The following WDR90 variants were observed in gnomAD, a reference collection of about 807,000 sequenced individuals.
WDR90 encodes the protein WD repeat-containing protein 90.
In WDR90, 238 loss-of-function variants were observed where a neutral mutation model predicts 195.2. The observed-to-expected ratio is 1.22, with a 90% CI of 1.10 to 1.36. The LOEUF is 1.36. Among genes scored for constraint, WDR90 ranks in the 40% most tolerant of loss-of-function variants. The pLI, the probability that WDR90 is intolerant of heterozygous loss-of-function variation, is 0.00. For missense variants in WDR90, 2,734 were observed against 2,439.5 expected, an observed-to-expected ratio of 1.12 and a Z score of -2.54; for synonymous variants, 1,265 against 1,052.4, an observed-to-expected ratio of 1.20 and a Z score of -3.91.
rs763192993 is a variant in WDR90 at position 661,998 on chromosome 16, T to C, written c.3972T>C (p.Cys1324=). ...LYCGTSSGQV[C]VWDTRAGRCF... The stretch of plus-strand genomic sequence containing the variant: ...GTGGCACCAGCTCTGGCCAGGTCTG[T>C]GTCTGGGACACGCGTGCCGGCCGCT... The change falls in exon 32 of 41, where the codon TGT becomes TGC. Residue 1324 remains cysteine (C), a synonymous_variant. Coordinates refer to ENST00000293879, the MANE Select transcript of WDR90 (RefSeq NM_145294.5). The C allele has an allele frequency of 2.5e-6, 4 of 1,604,928 alleles. No homozygotes were observed. The East Asian group carries it at 6.7e-5, about 27-fold the overall frequency.
chr16:662,892 C>T (rs1335116489), intron 34 of WDR90, 48 bp downstream of exon 34: 1 of 1,534,836 alleles, frequency 6.5e-7, no homozygotes, highest in East Asian at 2.4e-5. Context: ...GAACCTGGTG[C>T]CCTCCCTGCC....
chr16:662,804 A>C lies in WDR90; in HGVS notation c.4271A>C (p.Glu1424Ala), dbSNP rs1480256128. 6.3e-7 allele frequency: 1 copy of C among 1,597,380 alleles called. No homozygotes were observed. Residue 1424 changes from glutamate to alanine, a missense_variant, in exon 34 of 41, where the codon GAG becomes GCG. Glu to Ala is a moderately radical substitution (Grantham distance 107). Transcript: ENST00000293879. The stretch of plus-strand genomic sequence containing the variant: ...ACGCTGTGGTTTGTCAGCTGGGCCG[A>C]GGGCACCAGCACACGTCTCATCAGT... ...AGTLWFVSWA[E>A]GTSTRLISGH... is the part of the protein sequence containing the mutation.
At position 657,187 on chromosome 16, in the gene WDR90, T is replaced by G. The variant is rs2037776133; in HGVS notation, c.2439T>G (p.Cys813Trp). 6.4e-7 allele frequency: 1 copy of G among 1,555,622 alleles called. No individual in the cohort carries two copies. The highest frequency in any genetic ancestry group is 1.4e-5 in the African/African-American group (1 of 73,238). ...CSQGSLAQYS[C>W]ADPQWHVLRV... ...AGGGCTCCCTGGCCCAGTACAGCTG[T>G]GCGGACCCCCAGTGGCATGTCCTCC... The change falls in exon 20 of 41, where the codon TGT becomes TGG. Residue 813 changes from cysteine to tryptophan, a missense_variant. Transcript: ENST00000293879.
chr16:652,150 G>T, intron 9 of WDR90, 111 bp downstream of exon 9: 1 of 1,287,722 alleles, frequency 7.8e-7, no homozygotes, highest in South Asian at 1.4e-5. Context: ...GTCTCCTCTT[G>T]TTCAGCCTCC....
upstream of WDR90, chr16:649,281 T>G (rs1380166811): frequency 1.8e-6 from 2 of 1,113,572 alleles, no homozygotes; most frequent in African/African-American, 3.3e-5. Context: ...GGAGGTCACG[T>G]GGCCAGGGCG....
In WDR90 at chr16:665,802, G is replaced by T. The variant is rs1473465111; in HGVS notation, c.4434+1G>T. 1 of 1,584,352 alleles carries T rather than the reference G, an allele frequency of 6.3e-7. No individual in the cohort carries two copies. The highest frequency in any genetic ancestry group is 8.6e-7 in the Non-Finnish European group (1 of 1,161,406). ...GATCCAGTTCCAGGTGCTGAACCAG[G>T]TGTGTGGGGAGTGCCCGGGCCGGGG... On this transcript the variant is annotated splice_donor_variant, in intron 35 of 40. Coordinates refer to ENST00000293879, the MANE Select transcript of WDR90 (RefSeq NM_145294.5). LOFTEE classifies it high-confidence loss of function.
In WDR90 at chr16:651,190, C is replaced by T. The variant is rs1354761718; in HGVS notation, c.669-9C>T. On this transcript the variant is annotated splice_polypyrimidine_tract_variant and intron_variant, in intron 6 of 40. Coordinates refer to ENST00000293879, the MANE Select transcript of WDR90 (RefSeq NM_145294.5). ...CCCCCAGACACTGACTCTCCCTCTG[C>T]CTGCCAAGGTTTCCAAGTGAGAGCT... 4.3e-6 allele frequency: 7 copies of T among 1,613,228 alleles called. No homozygotes were observed. Among genetic ancestry groups the T allele is most frequent in the South Asian group, 3.3e-5 (3 of 91,076 alleles).
chr16:661,381 C>T lies in WDR90; in HGVS notation c.3553C>T (p.His1185Tyr), dbSNP rs1434250397. The T allele has an allele frequency of 1.2e-6, 2 of 1,611,010 alleles. No individual in the cohort carries two copies. The highest frequency in any genetic ancestry group is 1.7e-5 in the Admixed American group (1 of 59,938). Residue 1185 changes from histidine to tyrosine, a missense_variant, in exon 30 of 41, where the codon CAT (histidine) becomes TAT (tyrosine). Physicochemically the swap from His to Tyr is moderately conservative, Grantham distance 83. Coordinates refer to ENST00000293879, the MANE Select transcript of WDR90 (RefSeq NM_145294.5). The part of the protein sequence containing the change: ...SASGRSSTTA[H>Y]CQIRVWDVSG... ...CTCGGGCCGAAGCAGCACGACCGCC[C>T]ATTGTCAGATCCGCGTCTGGGACGT...
At chr16:651,425 C>T (rs1048601757) in intron 7 of WDR90, among the ~76,000 whole-genome samples, 159 bp downstream of exon 7, 1 of 152,026 alleles carries the variant, frequency 6.6e-6, no homozygotes, top group African/African-American at 2.4e-5. Flanking sequence ...CCCAGAACCA[C>T]GAGGGTGGGA....
chr16:667,568 G>GT lies in WDR90; in HGVS notation c.5227dup (p.Trp1743LeufsTer48). 6.2e-7 allele frequency: 1 copy of GT among 1,610,032 alleles called. No homozygotes were observed. ...CGGCCGCCCGCAACGAGATCCTTGTGTGGGAGGTCCCCGGCCTCTGAGATG... is the reference window on the plus strand; with the variant it reads ...CGGCCGCCCGCAACGAGATCCTTGTGTTGGGAGGTCCCCGGCCTCTGAGATG... On this transcript the variant is annotated frameshift_variant, in exon 41 of 41. Coordinates refer to ENST00000293879, the MANE Select transcript of WDR90 (RefSeq NM_145294.5). LOFTEE classifies it high-confidence loss of function.
Position 651,983 on chromosome 16 carries a change from C to G in WDR90, c.997C>G (p.His333Asp), listed in dbSNP as rs966281391. 6.2e-7 allele frequency: 1 copy of G among 1,606,654 alleles called. No individual in the cohort carries two copies. The highest frequency in any genetic ancestry group is 8.5e-7 in the Non-Finnish European group (1 of 1,177,734). ...SDIHTAAAGT[H>D]VLTHESAEVP... ...CATCCACACGGCTGCTGCCGGCACCCACGTGTTGACTCACGAGTCGGCTGA... is the reference window on the plus strand; with the variant it reads ...CATCCACACGGCTGCTGCCGGCACCGACGTGTTGACTCACGAGTCGGCTGA... Residue 333 changes from histidine (H) to aspartate (D), a missense_variant, in exon 9 of 41, where the codon CAC becomes GAC. By Grantham distance (81) the His-to-Asp change is moderately conservative. Coordinates refer to ENST00000293879, the MANE Select transcript of WDR90 (RefSeq NM_145294.5).
At position 661,446 on chromosome 16, in the gene WDR90, C is replaced by A. The variant is rs562736505; in HGVS notation, c.3618C>A (p.Ser1206Arg). Residue 1206 changes from serine (S) to arginine (R), a missense_variant, in exon 30 of 41, where the codon AGC becomes AGA. Physicochemically the swap from Ser to Arg is moderately radical, Grantham distance 110. Transcript: ENST00000293879. Reference protein sequence around the residue: ...GLCQHLIFPHSTTVLALAFSP... With the variant: ...GLCQHLIFPHRTTVLALAFSP... The stretch of plus-strand genomic sequence containing the variant: ...GCCAGCATCTCATTTTCCCCCATAG[C>A]ACCACCGTGCTGGCCCTGGCCTTCT... The A allele has an allele frequency of 4.2e-5, 67 of 1,612,406 alleles. No homozygotes were observed. In the African/African-American group the frequency reaches 8.0e-4, roughly 19 times the overall value.
At chr16:665,874 GCCT>G in intron 35 of WDR90, 73 bp downstream of exon 35, 1 of 1,551,874 alleles carries the variant, frequency 6.4e-7, no homozygotes, top group Non-Finnish European at 8.7e-7. Flanking sequence ...GGGCGGGGCC[GCCT>G]CCTCCCTCTG....
chr16:662,175 T>C, intron 32 of WDR90, 45 bp from the exon 33 acceptor site: 2 of 1,520,118 alleles, frequency 1.3e-6, no homozygotes, highest in Non-Finnish European at 1.8e-6. Context: ...ACCCAGGGCC[T>C]CTGGGAAGGC....
chr16:652,207 T>G, intron 9 of WDR90, 168 bp downstream of exon 9: 1 of 900,572 alleles, frequency 1.1e-6, no homozygotes, highest in Non-Finnish European at 1.7e-6. Context: ...GAAGAATCTC[T>G]GTCCACAAAG....
At position 665,673 on chromosome 16, in the gene WDR90, C is replaced by A; in HGVS notation, c.4312-6C>A. 6.2e-7 allele frequency: 1 copy of A among 1,612,660 alleles called. No homozygotes were observed. The highest frequency in any genetic ancestry group is 8.5e-7 in the Non-Finnish European group (1 of 1,179,910). On this transcript the variant is annotated splice_polypyrimidine_tract_variant and splice_region_variant and intron_variant, in intron 34 of 40. Transcript: ENST00000293879. The stretch of plus-strand genomic sequence containing the variant: ...ACACCCCCAGCCTAGCTACGGCTTC[C>A]CCCAGGTGAACGAGGTGGTCTTCAG...
rs1399756113 is a variant in WDR90, at chr16:657,225, G to A, written c.2473+4G>A. On this transcript the variant is annotated splice_donor_region_variant and intron_variant, in intron 20 of 40. Transcript: ENST00000293879. ...TGGCATGTCCTCCGAGTGGCAGGTT[G>A]GGCCCCCTGCAGCCACTCTGGGGGA... 12 of 1,540,780 alleles carry A rather than the reference G, an allele frequency of 7.8e-6. No individual in the cohort carries two copies. Among genetic ancestry groups the A allele is most frequent in the Non-Finnish European group, 1.1e-5 (12 of 1,141,340 alleles).
chr16:651,217 G>T lies in WDR90; in HGVS notation c.687G>T (p.Leu229Phe), dbSNP rs147330697. 9,775 of 1,613,174 alleles carry T rather than the reference G, an allele frequency of 6.1e-3. 43 individuals are homozygous for T. The highest frequency in any genetic ancestry group is 7.4e-3 in the Non-Finnish European group (8,682 of 1,179,986). The change falls in exon 7 of 41, where the codon TTG becomes TTT. Residue 229 changes from leucine to phenylalanine, a missense_variant. By Grantham distance (22) the Leu-to-Phe change is conservative (BLOSUM62 0). Coordinates refer to ENST00000293879, the MANE Select transcript of WDR90 (RefSeq NM_145294.5). Reference sequence around the variant, plus strand: ...TGCCAAGGTTTCCAAGTGAGAGCTTGAAAGTGCCTTCCAAGCCGATTGAGA... The same window carrying T: ...TGCCAAGGTTTCCAAGTGAGAGCTTTAAAGTGCCTTCCAAGCCGATTGAGA... ...YIHVRFPSESLKVPSKPIEKS... is the reference protein window; with the variant it reads ...YIHVRFPSESFKVPSKPIEKS...
chr16:657,356 C>T lies in WDR90; in HGVS notation c.2473+135C>T, dbSNP rs2037782778. 2.3e-6 allele frequency: 3 copies of T among 1,329,926 alleles called. No individual in the cohort carries two copies. The East Asian group carries it at 7.6e-5, about 34-fold the overall frequency. The allele number at this position is 1,329,926 out of a possible 1,614,324, so 82.4% of individuals were successfully genotyped here. A position where few individuals can be genotyped will look rare whatever the true frequency, so the allele number is the denominator to read the frequency against. ...GTCCTGTGGGGGGGCGTGGCCGCCT[C>T]AGTAACCTTGTCAAGGCCCTGAGGA... On this transcript the variant is annotated intron_variant, in intron 20 of 40. Coordinates refer to ENST00000293879, the MANE Select transcript of WDR90 (RefSeq NM_145294.5).
Sources: allele counts gnomAD v4.1 joint callset (sites outside exome capture counted in the v4.1 genomes callset), GRCh38; gene constraint gnomAD v4.1.1; transcripts MANE v1.5; gene names NCBI Gene and HGNC (gene_info 2026-07-23, HGNC 2026-07-21).